Variants in KMT5B observed in about 807,000 individuals in gnomAD.
KMT5B encodes histone-lysine N-methyltransferase KMT5B.
A neutral mutation model predicts 83.2 loss-of-function variants in KMT5B; 10 were observed. The ratio of observed to expected loss-of-function variants is 0.12; its 90% confidence interval spans 0.07 to 0.20. KMT5B has a LOEUF of 0.20. KMT5B is among the 10% of genes least tolerant of loss of function. The probability of loss-of-function intolerance (pLI) is 1.00; values close to 1 mark genes in which losing one functional copy is unlikely to be tolerated. For synonymous variants in KMT5B, 349 were observed against 388.8 expected (o/e 0.90, Z 1.20); for missense variants, 753 against 1,067.2 (o/e 0.71, Z 4.10).
At chr11:68,202,884 C>T (rs890405688) in intron 1 of KMT5B, among the ~76,000 whole-genome samples, 2 of 151,980 alleles carry the variant, frequency 1.3e-5, no homozygotes, top group African/African-American at 2.4e-5. Flanking sequence ...CTGCTGTGAA[C>T]GTGGGTGTAC....
Position 68,210,841 on chromosome 11 carries a change from C to T in KMT5B, c.-77+2297G>A, listed in dbSNP as rs140454863. ...AACCATCAGAGCGTTCTAAGGCTGA[C>T]ATAGTCGGGGAACTCCTGACCACGG... On this transcript the variant is annotated intron_variant, in intron 1 of 10. Coordinates refer to ENST00000304363, the MANE Select transcript of KMT5B (RefSeq NM_017635.5). Among the ~76,000 whole-genome samples the T allele has an allele frequency of 4.6e-5, 7 of 152,318 alleles. No homozygotes were observed. In the East Asian group the frequency reaches 1.2e-3, roughly 25 times the overall value.
At chr11:68,179,562 G>C (rs1382371158) in intron 4 of KMT5B, 1 of 1,304,018 alleles carries the variant, frequency 7.7e-7, no homozygotes, top group Non-Finnish European at 1.0e-6. Context: ...AAAAGTTGTA[G>C]ACTGTATTAG....
chr11:68,157,416 A>G lies in KMT5B; in HGVS notation c.*272T>C. The G allele has an allele frequency of 3.4e-6, 1 of 294,552 alleles. No homozygotes were observed. Among genetic ancestry groups the G allele is most frequent in the South Asian group, 1.3e-4 (1 of 7,818 alleles). 18.2% of individuals were successfully genotyped at this position (294,552 alleles called of 1,614,324 possible). ...ACGTCCTGTGTGGAAAGTTGCTATC[A>G]CTGTACAATTTTGCTTGAGCCTTTA... On this transcript the variant is annotated 3_prime_UTR_variant, in exon 11 of 11. Transcript: ENST00000304363.
Position 68,157,679 on chromosome 11 carries a change from A to C in KMT5B, c.*9T>G, listed in dbSNP as rs1859398038. 2 of 1,536,154 alleles carry C rather than the reference A, an allele frequency of 1.3e-6. No individual in the cohort carries two copies. The highest frequency in any genetic ancestry group is 1.4e-5 in the African/African-American group (1 of 71,958). ...AGTAGTTATCCCAGGTCAAGTTAAG[A>C]CCAAGAGCTTAGGCATTAAGCCTTA... On this transcript the variant is annotated 3_prime_UTR_variant, in exon 11 of 11. Transcript: ENST00000304363.
At chr11:68,187,726 T>C (rs1177368192) in intron 2 of KMT5B, among the ~76,000 whole-genome samples, 1 of 152,216 alleles carries the variant, frequency 6.6e-6, no homozygotes. Flanking sequence ...TTATTAAAAG[T>C]GGCGTATCAA....
chr11:68,179,670 G>C (rs1856728393), intron 4 of KMT5B: 8 of 1,157,928 alleles, frequency 6.9e-6, no homozygotes, highest in Non-Finnish European at 8.8e-6. Flanking sequence ...CAGGGAAGGA[G>C]AGAGGAAGAG....
chr11:68,172,923 G>A, intron 6 of KMT5B, among the ~76,000 whole-genome samples: 1 of 152,186 alleles, frequency 6.6e-6, no homozygotes, highest in East Asian at 1.9e-4. Context: ...CAGAGGGTGG[G>A]TACATGAGGA....
chr11:68,199,279 A>G (rs1555040422), intron 1 of KMT5B, among the ~76,000 whole-genome samples: 1 of 152,128 alleles, frequency 6.6e-6, no homozygotes, highest in Non-Finnish European at 1.5e-5. Flanking sequence ...AAATTAACGA[A>G]TGAATGTCGG....
chr11:68,175,879 T>C (rs531193510), intron 4 of KMT5B, among the ~76,000 whole-genome samples: 3 of 151,838 alleles, frequency 2.0e-5, no homozygotes, highest in Admixed American at 2.0e-4. Context: ...GAAATTGCTA[T>C]ACTGGTAATG....
At chr11:68,170,884 C>A (rs1437275899) in intron 9 of KMT5B, 131 bp downstream of exon 9, 3 of 972,238 alleles carry the variant, frequency 3.1e-6, no homozygotes, top group East Asian at 2.7e-5. Flanking sequence ...ACACACTGCA[C>A]CAGCCGCTAT....
chr11:68,175,344 A>G (rs1189637371), intron 4 of KMT5B, among the ~76,000 whole-genome samples, 161 bp from the exon 5 acceptor site: 1 of 152,262 alleles, frequency 6.6e-6, no homozygotes, highest in Non-Finnish European at 1.5e-5. Flanking sequence ...CTTGATTACT[A>G]CTATTCAAGT....
At chr11:68,192,744 A>AG (rs1334902681) in intron 1 of KMT5B, among the ~76,000 whole-genome samples, 9 of 152,334 alleles carry the variant, frequency 5.9e-5, no homozygotes, top group South Asian at 2.1e-4. Flanking sequence ...GACAAGAGTA[A>AG]GGAAAGTAAA....
chr11:68,192,205 T>G (rs757328483), intron 1 of KMT5B, among the ~76,000 whole-genome samples: 15 of 152,234 alleles, frequency 9.9e-5, no homozygotes, highest in Admixed American at 1.3e-4. Context: ...GTGCACTCTA[T>G]GATATCTGCA....
upstream of KMT5B, chr11:68,213,421 C>G: frequency 6.9e-6 from 1 of 145,826 alleles, no homozygotes; most frequent in Non-Finnish European, 1.5e-5. Flanking sequence ...CGCCCCCGGC[C>G]TCGGCTCGCT....
intron 10 of KMT5B, among the ~76,000 whole-genome samples, chr11:68,160,933 G>A (rs1026119714): frequency 1.3e-5 from 2 of 152,180 alleles, no homozygotes; most frequent in Non-Finnish European, 2.9e-5. Context: ...GGTGACAAGA[G>A]TGAAACTTCC....
intron 1 of KMT5B, among the ~76,000 whole-genome samples, chr11:68,205,788 CT>C (rs1860025998): frequency 2.0e-5 from 3 of 152,022 alleles, no homozygotes; most frequent in Non-Finnish European, 2.9e-5. Context: ...AATTAGCTAA[CT>C]TTTTGTATTT....
chr11:68,170,474 T>C (rs905028515), intron 9 of KMT5B, among the ~76,000 whole-genome samples: 19 of 152,258 alleles, frequency 1.2e-4, no homozygotes, highest in Non-Finnish European at 2.4e-4. Context: ...GTCACTATAA[T>C]GAGCAATATG....
At position 68,156,893 on chromosome 11, in the gene KMT5B, G is replaced by A. The variant is rs563898808; in HGVS notation, c.*795C>T. ...GATAAATGTTGCTTGTTGTCATCAC[G>A]TTGTTCACAGCAAATTTTTGAAAAA... is the stretch of plus-strand genomic sequence containing the variant. On this transcript the variant is annotated 3_prime_UTR_variant, in exon 11 of 11. Transcript: ENST00000304363. 1 of 152,454 alleles carries A rather than the reference G, an allele frequency of 6.6e-6. No individual in the cohort carries two copies. The highest frequency in any genetic ancestry group is 1.5e-5 in the Non-Finnish European group (1 of 67,998). 9.4% of individuals were successfully genotyped at this position (152,454 alleles called of 1,614,324 possible). A position where few individuals can be genotyped will look rare whatever the true frequency, so the allele number is the denominator to read the frequency against.
intron 1 of KMT5B, among the ~76,000 whole-genome samples, chr11:68,200,576 G>C (rs949663455): frequency 6.6e-6 from 1 of 152,162 alleles, no homozygotes; most frequent in African/African-American, 2.4e-5. Flanking sequence ...AGACTGACTC[G>C]CAGGCCAGAA....
Sources: allele counts gnomAD v4.1 joint callset (sites outside exome capture counted in the v4.1 genomes callset), GRCh38; gene constraint gnomAD v4.1.1; transcripts MANE v1.5; gene names NCBI Gene and HGNC (gene_info 2026-07-23, HGNC 2026-07-21).